Variants in NRXN1 observed in about 807,000 individuals in gnomAD.
NRXN1 encodes the protein neurexin 1, also known as neurexin-1.
NRXN1 carries 39 observed loss-of-function variants against 150.9 expected under a neutral mutation model. The ratio of observed to expected loss-of-function variants is 0.26; its 90% CI spans 0.20 to 0.34. The LOEUF (loss-of-function observed/expected upper bound fraction) is 0.34, where lower values mean the gene tolerates loss of function less well. Among genes scored for constraint, NRXN1 ranks in the 10% least tolerant of loss-of-function variants. The probability of loss-of-function intolerance (pLI) is 1.00; values close to 1 mark genes in which losing one functional copy is unlikely to be tolerated. For missense variants in NRXN1, 1,815 were observed against 1,949.9 expected (o/e 0.93, Z 1.30); for synonymous variants, 924 against 757.0 (o/e 1.22, Z -3.62).
chr2:51,029,541 A>G (rs969494522), intron 1 of NRXN1, among the ~76,000 whole-genome samples: 2 of 152,236 alleles, frequency 1.3e-5, no homozygotes, highest in Non-Finnish European at 1.5e-5. Flanking sequence ...AAGGATTTCT[A>G]CCTATGTTGT....
rs79897645 is a variant in NRXN1 at position 50,351,792 on chromosome 2, T to C, written c.3364+113650A>G. Among the ~76,000 whole-genome samples, 1,286 of 152,232 alleles carry C rather than the reference T, an allele frequency of 8.4e-3. 41 individuals carry two copies. The East Asian group carries it at 0.12, about 14-fold the overall frequency. On this transcript the variant is annotated intron_variant, in intron 17 of 22. Coordinates refer to ENST00000401669, the MANE Select transcript of NRXN1 (RefSeq NM_001330078.2). ...TTAGTCACTTAATTCTGAGAGATGG[T>C]GAGGTGGGTGCTGTCGTTGAAATAC...
intron 16 of NRXN1, among the ~76,000 whole-genome samples, chr2:50,467,551 T>A (rs760965230): frequency 2.0e-5 from 3 of 151,520 alleles, no homozygotes; most frequent in Non-Finnish European, 3.0e-5. Context: ...ATTTGTATTA[T>A]AAATTTTTAG....
At chr2:50,907,373 C>A (rs552011188) in intron 5 of NRXN1, among the ~76,000 whole-genome samples, 12 of 152,150 alleles carry the variant, frequency 7.9e-5, no homozygotes, top group Non-Finnish European at 1.6e-4. Context: ...GCCTGTGTTA[C>A]ATGAAACTTT....
At chr2:50,762,328 T>A (rs942841822) in intron 5 of NRXN1, among the ~76,000 whole-genome samples, 33 of 152,006 alleles carry the variant, frequency 2.2e-4, no homozygotes, top group Middle Eastern at 3.4e-3. Flanking sequence ...TGTACTTTTT[T>A]AAATTTTTTT....
chr2:50,972,087 C>CA (rs554904002), intron 2 of NRXN1, among the ~76,000 whole-genome samples: 37,400 of 121,734 alleles, frequency 0.31, 5,971 homozygotes, highest in East Asian at 0.57. Context: ...ATTTTATTCA[C>CA]AAAAAAAAAA....
At chr2:50,479,767 C>CTTTTTTTTTTTTTTTTTT (rs35301086) in intron 15 of NRXN1, among the ~76,000 whole-genome samples, 9 of 79,866 alleles carry the variant, frequency 1.1e-4, no homozygotes, top group East Asian at 8.8e-4. Context: ...ATTTCTTTTT[C>CTTTTTTTTTTTTTTTTTT]TTTTTTTTTT....
chr2:50,472,271 T>A (rs1480420611), intron 16 of NRXN1, 27 bp downstream of exon 16: 2 of 1,509,014 alleles, frequency 1.3e-6, no homozygotes, highest in African/African-American at 2.8e-5. Flanking sequence ...TAGAATTATT[T>A]AGAGCATGAT....
intron 17 of NRXN1, among the ~76,000 whole-genome samples, chr2:50,238,194 C>A (rs561009140): frequency 2.9e-4 from 44 of 152,088 alleles, no homozygotes; most frequent in African/African-American, 1.0e-3. Context: ...CATTGGCCAC[C>A]CATTTTGGTT....
At chr2:50,662,309 C>T (rs747387939) in intron 5 of NRXN1, among the ~76,000 whole-genome samples, 16 of 151,992 alleles carry the variant, frequency 1.1e-4, no homozygotes, top group Non-Finnish European at 2.1e-4. Flanking sequence ...CAGAAATGGA[C>T]ATCTTGCTCA....
Position 49,922,003 on chromosome 2 carries a change from T to C in NRXN1, c.4465A>G (p.Ser1489Gly). Residue 1489 changes from serine (S) to glycine (G), a missense_variant, in exon 23 of 23, where the codon AGC (serine) becomes GGC (glycine). Physicochemically the swap from Ser to Gly is moderately conservative, Grantham distance 56. Transcript: ENST00000401669. ...NGAVVKEKQP[S>G]SAKSSNKNKK... ...TTTTTGTTGGAGCTTTTCGCACTGC[T>C]GGGTTGTTTCTCCTTTACAACAGCC... is the stretch of plus-strand genomic sequence containing the variant. The C allele has an allele frequency of 6.2e-7, 1 of 1,614,198 alleles. No individual in the cohort carries two copies. The highest frequency in any genetic ancestry group is 1.6e-4 in the Middle Eastern group (1 of 6,062).
At chr2:50,314,342 A>G (rs1245447369) in intron 17 of NRXN1, among the ~76,000 whole-genome samples, 1 of 152,084 alleles carries the variant, frequency 6.6e-6, no homozygotes, top group Non-Finnish European at 1.5e-5. Context: ...TTAAAAAACA[A>G]AAACAACATG....
intron 21 of NRXN1, among the ~76,000 whole-genome samples, chr2:49,985,324 T>C (rs1242345050): frequency 6.6e-6 from 1 of 152,202 alleles, no homozygotes; most frequent in African/African-American, 2.4e-5. Flanking sequence ...ATTTTTGACA[T>C]AACTCATTCA....
At chr2:51,004,796 A>G (rs1700507915) in intron 2 of NRXN1, among the ~76,000 whole-genome samples, 1 of 152,030 alleles carries the variant, frequency 6.6e-6, no homozygotes, top group Non-Finnish European at 1.5e-5. Flanking sequence ...TTCTCCATCT[A>G]GAGGAGAATT....
intron 17 of NRXN1, among the ~76,000 whole-genome samples, chr2:50,382,414 GACTTT>G (rs2081036661): frequency 6.6e-6 from 1 of 152,236 alleles, no homozygotes; most frequent in Admixed American, 6.5e-5. Flanking sequence ...GACTTTTACA[GACTTT>G]ACTTAGTTTA....
At chr2:50,614,359 C>A (rs1678686912) in intron 8 of NRXN1, among the ~76,000 whole-genome samples, 1 of 152,082 alleles carries the variant, frequency 6.6e-6, no homozygotes, top group Non-Finnish European at 1.5e-5. Context: ...GTTAATTTAT[C>A]CATCAGGTCC....
intron 5 of NRXN1, among the ~76,000 whole-genome samples, chr2:50,770,118 G>A (rs190085527): frequency 5.3e-5 from 8 of 152,134 alleles, no homozygotes; most frequent in Admixed American, 1.3e-4. Context: ...CCCTTGACAG[G>A]TGAACAAGAT....
At chr2:50,331,348 T>C (rs1382931518) in intron 17 of NRXN1, among the ~76,000 whole-genome samples, 1 of 152,064 alleles carries the variant, frequency 6.6e-6, no homozygotes, top group Non-Finnish European at 1.5e-5. Flanking sequence ...TCAAAGGATA[T>C]TGAGAATAGA....
At chr2:50,908,484 G>A (rs1684056646) in intron 5 of NRXN1, among the ~76,000 whole-genome samples, 1 of 151,930 alleles carries the variant, frequency 6.6e-6, no homozygotes, top group African/African-American at 2.4e-5. Flanking sequence ...CAGATACCCA[G>A]GGATAGTATA....
intron 17 of NRXN1, among the ~76,000 whole-genome samples, chr2:50,409,939 C>T (rs1170671634): frequency 1.3e-5 from 2 of 152,118 alleles, no homozygotes; most frequent in African/African-American, 2.4e-5. Flanking sequence ...TCAAAGCTCT[C>T]GGTATTATTT....
Sources: allele counts gnomAD v4.1 joint callset (sites outside exome capture counted in the v4.1 genomes callset), GRCh38; gene constraint gnomAD v4.1.1; transcripts MANE v1.5; gene names NCBI Gene and HGNC (gene_info 2026-07-23, HGNC 2026-07-21).